GABRG3: variants seen among roughly 807,000 people sequenced by gnomAD.
GABRG3 encodes the protein gamma-aminobutyric acid receptor subunit gamma-3.
Under a neutral mutation model 48.8 loss-of-function variants are expected in GABRG3, and 25 were observed. That is an observed-to-expected ratio of 0.51 (90% confidence interval 0.37 to 0.72). The LOEUF is 0.72. Ranked by LOEUF, GABRG3 falls within the 30% of genes least tolerant of loss-of-function variation. The probability of loss-of-function intolerance (pLI) is 0.00; values close to 1 mark genes in which losing one functional copy is unlikely to be tolerated. For synonymous variants in GABRG3, 227 were observed against 217.6 expected (o/e 1.04, Z -0.38); for missense variants, 394 against 577.9 (o/e 0.68, Z 3.26).
Position 27,211,358 on chromosome 15 carries a change from T to C in GABRG3, c.271-115451T>C, listed in dbSNP as rs1485489063. 2.0e-5 allele frequency among the ~76,000 whole-genome samples: 3 copies of C among 152,148 alleles called. No individual in the cohort carries two copies. In the East Asian group the frequency reaches 5.8e-4, roughly 29 times the overall value. The stretch of plus-strand genomic sequence containing the variant: ...TGGAATCAACAAGACAACAAGACGT[T>C]TGATGTAAGAGAGAAGGACTGCTTA... On this transcript the variant is annotated intron_variant, in intron 3 of 9. Transcript: ENST00000615808.
At chr15:27,006,625 G>T (rs766399011) in intron 2 of GABRG3, among the ~76,000 whole-genome samples, 9 of 152,160 alleles carry the variant, frequency 5.9e-5, no homozygotes, top group Admixed American at 1.3e-4. Context: ...CATAGTAACC[G>T]ATAGGTAGTT....
chr15:27,522,219 A>G lies in GABRG3; in HGVS notation c.865+2095A>G, dbSNP rs73371570. ...GATAGTCAGTTGCCATCTTTAAAGT[A>G]CTGAAATTCTATATCCAGAGAAAAT... On this transcript the variant is annotated intron_variant, in intron 7 of 9. Coordinates refer to ENST00000615808, the MANE Select transcript of GABRG3 (RefSeq NM_033223.5). Among the ~76,000 whole-genome samples, 900 of 152,110 alleles carry G rather than the reference A, an allele frequency of 5.9e-3. 11 individuals carry two copies. The highest frequency in any genetic ancestry group is 0.021 in the African/African-American group (875 of 41,568).
intron 5 of GABRG3, among the ~76,000 whole-genome samples, chr15:27,361,397 A>C (rs1360572571): frequency 6.6e-6 from 1 of 152,216 alleles, no homozygotes. Flanking sequence ...ACTTCTTCCC[A>C]GGATGACGCT....
intron 3 of GABRG3, among the ~76,000 whole-genome samples, chr15:27,144,454 A>G (rs1296231587): frequency 6.6e-6 from 1 of 151,228 alleles, no homozygotes; most frequent in Non-Finnish European, 1.5e-5. Flanking sequence ...TATTTGACCT[A>G]AATCAGAGCT....
intron 2 of GABRG3, among the ~76,000 whole-genome samples, chr15:27,021,254 C>T (rs780074187): frequency 1.3e-5 from 2 of 152,112 alleles, no homozygotes; most frequent in Non-Finnish European, 2.9e-5. Context: ...GAGCATTTAA[C>T]ATGTAAAGTT....
At chr15:27,095,474 T>C (rs1359031824) in intron 3 of GABRG3, among the ~76,000 whole-genome samples, 4 of 133,880 alleles carry the variant, frequency 3.0e-5, no homozygotes. Context: ...GGTCTCCACA[T>C]AGATGCTGGC....
At position 27,413,369 on chromosome 15, in the gene GABRG3, A is replaced by G. The variant is rs191948738; in HGVS notation, c.575-67281A>G. ...CAAGGTTAATAAGGTCAATTAGAGT[A>G]AAACAAACTTCACTAGAATTAGAGA... On this transcript the variant is annotated intron_variant, in intron 5 of 9. Coordinates refer to ENST00000615808, the MANE Select transcript of GABRG3 (RefSeq NM_033223.5). 2.0e-4 allele frequency among the ~76,000 whole-genome samples: 30 copies of G among 152,170 alleles called. No individual in the cohort carries two copies. The East Asian group carries it at 5.8e-3, about 29-fold the overall frequency.
chr15:27,134,834 C>T (rs1897980012), intron 3 of GABRG3, among the ~76,000 whole-genome samples: 2 of 152,196 alleles, frequency 1.3e-5, no homozygotes, highest in Non-Finnish European at 2.9e-5. Context: ...ACAATATTCT[C>T]TCTGAGAGAA....
At chr15:27,072,319 T>A (rs1595506575) in intron 3 of GABRG3, among the ~76,000 whole-genome samples, 3 of 152,316 alleles carry the variant, frequency 2.0e-5, no homozygotes, top group Admixed American at 2.0e-4. Context: ...GCATCCTACC[T>A]CCTTCTCCAT....
chr15:27,027,440 CG>C (rs1896004960), intron 3 of GABRG3, among the ~76,000 whole-genome samples: 1 of 152,206 alleles, frequency 6.6e-6, no homozygotes, highest in Admixed American at 6.5e-5. Flanking sequence ...CCCCCGCCTG[CG>C]GAGGTCCTGC....
intron 2 of GABRG3, among the ~76,000 whole-genome samples, chr15:26,981,343 G>T (rs558925039): frequency 6.6e-6 from 1 of 152,308 alleles, no homozygotes; most frequent in African/African-American, 2.4e-5. Flanking sequence ...TTTCTAGCCT[G>T]ATTCCACTAT....
intron 3 of GABRG3, among the ~76,000 whole-genome samples, chr15:27,081,987 G>A (rs1337778140): frequency 6.6e-6 from 1 of 152,204 alleles, no homozygotes; most frequent in Non-Finnish European, 1.5e-5. Flanking sequence ...TTAAGTTAGA[G>A]TGTTTATCTG....
In GABRG3 at chr15:27,471,859, T is replaced by C. The variant is rs982676809; in HGVS notation, c.575-8791T>C. 5.3e-5 allele frequency among the ~76,000 whole-genome samples: 8 copies of C among 152,226 alleles called. No homozygotes were observed. In the East Asian group the frequency reaches 5.8e-4, roughly 11 times the overall value. ...TAGCACCAATACACAATAGGTTTAG[T>C]GTAGAGTTTTATAATAGTTAATAAC... On this transcript the variant is annotated intron_variant, in intron 5 of 9. Transcript: ENST00000615808.
intron 3 of GABRG3, among the ~76,000 whole-genome samples, chr15:27,077,375 C>A (rs1249862151): frequency 1.3e-5 from 2 of 152,206 alleles, no homozygotes; most frequent in Non-Finnish European, 2.9e-5. Context: ...GAGCCACACA[C>A]CGGCTTGTTA....
intron 3 of GABRG3, among the ~76,000 whole-genome samples, chr15:27,160,604 A>G (rs1276460571): frequency 6.6e-6 from 1 of 151,860 alleles, no homozygotes; most frequent in Non-Finnish European, 1.5e-5. Context: ...GGATCTTTCT[A>G]ATACTTAGGA....
At chr15:27,499,554 G>C (rs760940496) in intron 6 of GABRG3, among the ~76,000 whole-genome samples, 10 of 152,236 alleles carry the variant, frequency 6.6e-5, no homozygotes, top group Non-Finnish European at 1.2e-4. Context: ...TTATGTCGGA[G>C]TAAGAGGCAG....
In GABRG3 at chr15:27,179,895, C is replaced by T. The variant is rs1474458341; in HGVS notation, c.271-146914C>T. On this transcript the variant is annotated intron_variant, in intron 3 of 9. Transcript: ENST00000615808. The surrounding 1 kb of genome is among the most constrained non-coding windows in gnomAD (Gnocchi z 4.0). The stretch of plus-strand genomic sequence containing the variant: ...CATAAAATAAGCTGAATGTTTGTGC[C>T]CTGTTACCAGATTGTTCTCTTGATT... 6.6e-6 allele frequency among the ~76,000 whole-genome samples: 1 copy of T among 152,042 alleles called. No individual in the cohort carries two copies. Among genetic ancestry groups the T allele is most frequent in the Non-Finnish European group, 1.5e-5 (1 of 68,018 alleles).
At chr15:27,189,283 A>C (rs1483884610) in intron 3 of GABRG3, among the ~76,000 whole-genome samples, 3 of 151,628 alleles carry the variant, frequency 2.0e-5, no homozygotes, top group Admixed American at 6.6e-5. Flanking sequence ...TGGCAGCTTG[A>C]TGGGGATGGC....
Position 27,490,647 on chromosome 15 carries a change from A to G in GABRG3, c.712+9860A>G, listed in dbSNP as rs562549036. ...AAACTTTTCTTACTGGTTCTATTTCAGCTGGTTGTCACTGATCAGACACTT... is the reference window on the plus strand; with the variant it reads ...AAACTTTTCTTACTGGTTCTATTTCGGCTGGTTGTCACTGATCAGACACTT... On this transcript the variant is annotated intron_variant, in intron 6 of 9. Coordinates refer to ENST00000615808, the MANE Select transcript of GABRG3 (RefSeq NM_033223.5). 4.5e-4 allele frequency among the ~76,000 whole-genome samples: 68 copies of G among 152,274 alleles called. 1 individual carries two copies. The South Asian group carries it at 0.013, about 29-fold the overall frequency.
Sources: gnomAD v4.1 joint callset for allele counts (sites outside exome capture counted in the v4.1 genomes callset) on GRCh38, gnomAD v4.1.1 for gene constraint, Gnocchi (gnomAD v3.1) non-coding constraint, MANE v1.5 for transcripts, NCBI Gene and HGNC (gene_info 2026-07-23, HGNC 2026-07-21) for gene names.